Variants in RBPJ observed in about 807,000 individuals in gnomAD.
The protein encoded by RBPJ is recombination signal binding protein for immunoglobulin kappa J region.
Under a neutral mutation model 67.8 loss-of-function variants are expected in RBPJ, and 9 were observed. The observed-to-expected ratio is 0.13, with a 90% CI of 0.08 to 0.23. The LOEUF (loss-of-function observed/expected upper bound fraction) is 0.23. Among genes scored for constraint, RBPJ ranks in the 10% least tolerant of loss-of-function variants. The pLI is 1.00. For missense variants in RBPJ, 305 were observed against 595.6 expected, an observed-to-expected ratio of 0.51 and a Z score of 5.08; for synonymous variants, 198 against 203.3, an observed-to-expected ratio of 0.97 and a Z score of 0.22.
At chr4:26,357,097 C>CA (rs1246646005) in intron 1 of RBPJ, among the ~76,000 whole-genome samples, 1 of 151,944 alleles carries the variant, frequency 6.6e-6, no homozygotes, top group African/African-American at 2.4e-5. Flanking sequence ...TTAGATCAGA[C>CA]AAAAAAGTAT....
intron 1 of RBPJ, among the ~76,000 whole-genome samples, chr4:26,204,258 ATTTTT>A (rs768057864): frequency 2.6e-5 from 4 of 151,998 alleles, no homozygotes; most frequent in Non-Finnish European, 5.9e-5. Flanking sequence ...GAAGTCAGTG[ATTTTT>A]TTTCTTTAAT....
At chr4:26,122,179 G>A in the RBPJ span, among the ~76,000 whole-genome samples, 1 of 152,010 alleles carries the variant, frequency 6.6e-6, no homozygotes. Context: ...ACCCCAATGA[G>A]GATAAAACAG....
At chr4:26,311,709 AT>A (rs1722432684) in intron 1 of RBPJ, among the ~76,000 whole-genome samples, 1 of 152,162 alleles carries the variant, frequency 6.6e-6, no homozygotes, top group Non-Finnish European at 1.5e-5. Flanking sequence ...AAAAGAAACT[AT>A]GTGCCATTAC....
intron 1 of RBPJ, among the ~76,000 whole-genome samples, chr4:26,197,752 G>A (rs555982214): frequency 1.3e-5 from 2 of 152,208 alleles, no homozygotes; most frequent in Non-Finnish European, 2.9e-5. Context: ...GGCACCCCTG[G>A]CCGCTTGTCT....
intron 1 of RBPJ, among the ~76,000 whole-genome samples, chr4:26,182,200 G>A (rs1560200177): frequency 6.6e-6 from 1 of 151,956 alleles, no homozygotes; most frequent in African/African-American, 2.4e-5. Flanking sequence ...AAATTAGCCG[G>A]GCGCCGTGGC....
chr4:26,138,204 C>G, the RBPJ span, among the ~76,000 whole-genome samples: 2 of 152,176 alleles, frequency 1.3e-5, no homozygotes, highest in African/African-American at 4.8e-5. Context: ...CAAACCTTAC[C>G]TGATATCATC....
chr4:26,373,915 CTTTTTT>C (rs765161799), intron 1 of RBPJ, among the ~76,000 whole-genome samples: 46 of 113,292 alleles, frequency 4.1e-4, no homozygotes, highest in Admixed American at 7.6e-4. Flanking sequence ...TTATTTTTTA[CTTTTTT>C]TTTTTTTTTT....
rs374919571 is a variant in RBPJ at position 26,264,049 on chromosome 4, G to GT, written c.-166-98390dup. Among the ~76,000 whole-genome samples the GT allele has an allele frequency of 3.2e-3, 489 of 151,888 alleles. 2 individuals are homozygous for GT. The highest frequency in any genetic ancestry group is 0.012 in the South Asian group (60 of 4,816). On this transcript the variant is annotated intron_variant, in intron 1 of 4. Coordinates refer to the RBPJ transcript ENST00000512351. The surrounding 1 kb of genome is among the most constrained non-coding windows in gnomAD (Gnocchi z 4.1). Reference sequence around the variant, plus strand: ...GCCACCACGTCCTGCTAATCTTTGTGTTTTTTTAGTAGAGACGGGGTTTCA... The same window carrying GT: ...GCCACCACGTCCTGCTAATCTTTGTGTTTTTTTTAGTAGAGACGGGGTTTCA...
chr4:26,378,282 C>T (rs960948256), intron 1 of RBPJ, among the ~76,000 whole-genome samples: 8 of 152,174 alleles, frequency 5.3e-5, no homozygotes, highest in Non-Finnish European at 1.0e-4. Flanking sequence ...CAGTTTGTCT[C>T]ATTCAGTCTT....
intron 1 of RBPJ, among the ~76,000 whole-genome samples, chr4:26,361,919 C>T (rs187445842): frequency 7.2e-4 from 109 of 152,284 alleles, no homozygotes; most frequent in African/African-American, 2.3e-3. Context: ...GGTTAGCCGT[C>T]TGTCTGTTCA....
At chr4:26,419,642 G>A (rs750280035) in intron 4 of RBPJ, among the ~76,000 whole-genome samples, 3 of 152,054 alleles carry the variant, frequency 2.0e-5, no homozygotes, top group Admixed American at 6.6e-5. Context: ...AATATAATTC[G>A]ATACTTTAGA....
At chr4:26,278,034 C>T (rs991084666) in intron 1 of RBPJ, among the ~76,000 whole-genome samples, 3 of 152,226 alleles carry the variant, frequency 2.0e-5, no homozygotes, top group Admixed American at 2.0e-4. Flanking sequence ...TTATTGAGCA[C>T]CTATTATGTG....
chr4:26,251,644 A>T (rs1483031767), intron 1 of RBPJ, among the ~76,000 whole-genome samples: 1 of 151,340 alleles, frequency 6.6e-6, no homozygotes, highest in Non-Finnish European at 1.5e-5. Flanking sequence ...AAAAAAAAAA[A>T]AAAAAAAATC....
At chr4:26,306,093 A>G (rs1214544327) in intron 1 of RBPJ, among the ~76,000 whole-genome samples, 1 of 152,014 alleles carries the variant, frequency 6.6e-6, no homozygotes, top group African/African-American at 2.4e-5. Flanking sequence ...GCGAGTTCTT[A>G]AAATTTTCTA....
intron 3 of RBPJ, chr4:26,410,091 G>T: frequency 2.2e-6 from 1 of 453,444 alleles, no homozygotes; most frequent in Non-Finnish European, 4.4e-6. Flanking sequence ...CTGGATGTCT[G>T]TCAAACTGCC....
chr4:26,136,367 C>T, the RBPJ span, among the ~76,000 whole-genome samples: 2 of 152,346 alleles, frequency 1.3e-5, no homozygotes, highest in South Asian at 4.1e-4. Context: ...TGCTGAACCT[C>T]GGGTGCAGTC....
intron 1 of RBPJ, among the ~76,000 whole-genome samples, chr4:26,350,436 A>G (rs181228574): frequency 6.6e-6 from 1 of 152,328 alleles, no homozygotes; most frequent in Admixed American, 6.5e-5. Flanking sequence ...GTCTTTCCTC[A>G]TGGTATTTGG....
intron 7 of RBPJ, among the ~76,000 whole-genome samples, chr4:26,426,220 ATTTGCTTTGGTGTT>A (rs1735656543): frequency 1.3e-5 from 2 of 152,008 alleles, no homozygotes; most frequent in Non-Finnish European, 2.9e-5. Context: ...GATGATGTTC[ATTTGCTTTGGTGTT>A]AAATGCTTGT....
chr4:26,429,429 C>T (rs1181035492), intron 8 of RBPJ, among the ~76,000 whole-genome samples: 3 of 152,158 alleles, frequency 2.0e-5, no homozygotes, highest in Non-Finnish European at 2.9e-5. Context: ...AGTCCCTGGT[C>T]TAGGTGTGTT....
Sources: gnomAD v4.1 joint callset for allele counts (sites outside exome capture counted in the v4.1 genomes callset) on GRCh38, gnomAD v4.1.1 for gene constraint, Gnocchi (gnomAD v3.1) non-coding constraint, MANE v1.5 for transcripts, NCBI Gene and HGNC (gene_info 2026-07-23, HGNC 2026-07-21) for gene names.